Variants in PTPRD observed in about 807,000 individuals in gnomAD.
PTPRD encodes the protein protein tyrosine phosphatase receptor type D.
Under a neutral mutation model 214.5 loss-of-function variants are expected in PTPRD, and 34 were observed. The ratio of observed to expected loss-of-function variants is 0.16; its 90% CI spans 0.12 to 0.21. The LOEUF is 0.21. Ranked by LOEUF, PTPRD falls within the 10% of genes least tolerant of loss-of-function variation. PTPRD has a pLI of 1.00. For synonymous variants in PTPRD, 1,128 were observed against 845.7 expected, an observed-to-expected ratio of 1.33 and a Z score of -5.79; for missense variants, 2,545 against 2,398.7, an observed-to-expected ratio of 1.06 and a Z score of -1.27.
intron 11 of PTPRD, among the ~76,000 whole-genome samples, chr9:8,855,511 A>G (rs2097899445): frequency 6.6e-6 from 1 of 152,178 alleles, no homozygotes. Flanking sequence ...CATGTCATGC[A>G]AAAATAATAC....
chr9:10,047,500 T>C (rs553688022), intron 3 of PTPRD, among the ~76,000 whole-genome samples: 6 of 152,148 alleles, frequency 3.9e-5, no homozygotes, highest in African/African-American at 1.4e-4. Context: ...CTACAAAATG[T>C]AGCCAAGGAA....
At chr9:8,522,842 T>G (rs766696348) in intron 19 of PTPRD, among the ~76,000 whole-genome samples, 2 of 152,140 alleles carry the variant, frequency 1.3e-5, no homozygotes, top group Non-Finnish European at 2.9e-5. Flanking sequence ...TTAATAAAGA[T>G]TTTTTAAAAA....
chr9:8,705,527 T>G (rs1017277923), intron 12 of PTPRD, among the ~76,000 whole-genome samples: 9 of 152,232 alleles, frequency 5.9e-5, no homozygotes, highest in African/African-American at 1.9e-4. Context: ...TCCTGATTAC[T>G]TGGGAACATC....
At chr9:9,567,740 C>T (rs771552338) in intron 8 of PTPRD, among the ~76,000 whole-genome samples, 1 of 151,892 alleles carries the variant, frequency 6.6e-6, no homozygotes, top group Non-Finnish European at 1.5e-5. Context: ...CTCTATGCAG[C>T]CTTGAGCTTC....
At chr9:9,645,457 G>GTGTATA (rs1554767219) in intron 7 of PTPRD, among the ~76,000 whole-genome samples, 2 of 134,386 alleles carry the variant, frequency 1.5e-5, no homozygotes, top group African/African-American at 6.0e-5. Flanking sequence ...CTACATATAT[G>GTGTATA]TATATATATA....
chr9:8,485,338 A>G lies in PTPRD; in HGVS notation c.3056-14T>C. The G allele has an allele frequency of 6.3e-7, 1 of 1,584,734 alleles. No individual in the cohort carries two copies. The highest frequency in any genetic ancestry group is 8.7e-7 in the Non-Finnish European group (1 of 1,153,550). On this transcript the variant is annotated splice_polypyrimidine_tract_variant and intron_variant, in intron 28 of 45. Coordinates refer to ENST00000381196, the MANE Select transcript of PTPRD (RefSeq NM_002839.4). Reference sequence around the variant, plus strand: ...TTTTTGCAAACACTGCTGGAAAAGGAAAAACAGTGTATTTAAACTATTCTT... The same window carrying G: ...TTTTTGCAAACACTGCTGGAAAAGGGAAAACAGTGTATTTAAACTATTCTT...
intron 12 of PTPRD, among the ~76,000 whole-genome samples, chr9:8,706,491 T>G (rs1277364276): frequency 2.6e-5 from 4 of 152,216 alleles, no homozygotes; most frequent in African/African-American, 9.6e-5. Flanking sequence ...GCCATCTAAG[T>G]CTGCATGGTC....
At chr9:8,788,202 C>G (rs1384284746) in intron 11 of PTPRD, among the ~76,000 whole-genome samples, 1 of 149,416 alleles carries the variant, frequency 6.7e-6, no homozygotes, top group East Asian at 2.0e-4. Flanking sequence ...TATGAGTAAC[C>G]ATGGCCATAA....
Position 9,448,442 on chromosome 9 carries a change from G to A in PTPRD, c.-236-50960C>T, listed in dbSNP as rs969585800. Among the ~76,000 whole-genome samples, 8 of 152,110 alleles carry A rather than the reference G, an allele frequency of 5.3e-5. No homozygotes were observed. In the East Asian group the frequency reaches 1.6e-3, roughly 30 times the overall value. On this transcript the variant is annotated intron_variant, in intron 8 of 45. Coordinates refer to ENST00000381196, the MANE Select transcript of PTPRD (RefSeq NM_002839.4). ...CTAAGTGTTTGCAAGTTCTTCCTTT[G>A]CAGTTCATTCTCTCTCTCTCCTGCT...
At chr9:8,509,633 T>C (rs2097633279) in intron 21 of PTPRD, among the ~76,000 whole-genome samples, 1 of 152,236 alleles carries the variant, frequency 6.6e-6, no homozygotes, top group South Asian at 2.1e-4. Context: ...GAAAACATCT[T>C]GGAAACCTAA....
chr9:9,690,663 G>A (rs1400535976), intron 7 of PTPRD, among the ~76,000 whole-genome samples: 1 of 151,766 alleles, frequency 6.6e-6, no homozygotes, highest in East Asian at 1.9e-4. Context: ...AGAGATAGGG[G>A]TCTAGGATTT....
At chr9:10,457,635 A>G (rs1382064410) in intron 2 of PTPRD, among the ~76,000 whole-genome samples, 1 of 152,012 alleles carries the variant, frequency 6.6e-6, no homozygotes, top group Non-Finnish European at 1.5e-5. Flanking sequence ...GAGACAGTGT[A>G]TGTTTACTTG....
At chr9:8,351,132 A>C (rs1357491634) in intron 39 of PTPRD, among the ~76,000 whole-genome samples, 2 of 152,194 alleles carry the variant, frequency 1.3e-5, no homozygotes, top group Admixed American at 6.5e-5. Context: ...GTAGCAGTTA[A>C]AAAGAATGAA....
chr9:8,371,803 G>A (rs543509841), intron 39 of PTPRD, among the ~76,000 whole-genome samples: 5 of 152,174 alleles, frequency 3.3e-5, no homozygotes, highest in Middle Eastern at 3.4e-3. Context: ...AGGTAGAGAA[G>A]GGGAATTGTT....
rs779666985 is a variant in PTPRD, at chr9:8,493,010, C to A, written c.2350-31G>T. On this transcript the variant is annotated intron_variant, in intron 26 of 45. Transcript: ENST00000381196. The stretch of plus-strand genomic sequence containing the variant: ...ATGACAAAATAGAATGTCACTGATT[C>A]AAAACATGCTACTAATGCTCTGGGG... 1.6e-5 allele frequency: 25 copies of A among 1,550,944 alleles called. No individual in the cohort carries two copies. The Admixed American group carries it at 4.0e-4, about 25-fold the overall frequency.
At chr9:9,825,296 T>C (rs2052351241) in intron 5 of PTPRD, among the ~76,000 whole-genome samples, 1 of 150,850 alleles carries the variant, frequency 6.6e-6, no homozygotes. Context: ...TAAATATACA[T>C]TGGCAGGTAG....
At chr9:10,292,055 G>T (rs768845835) in intron 3 of PTPRD, among the ~76,000 whole-genome samples, 21 of 151,922 alleles carry the variant, frequency 1.4e-4, no homozygotes, top group Admixed American at 6.6e-4. Context: ...AGTAATTTTG[G>T]TCCCTATATT....
intron 3 of PTPRD, among the ~76,000 whole-genome samples, chr9:10,142,602 A>C (rs967415607): frequency 6.7e-6 from 1 of 150,240 alleles, no homozygotes; most frequent in Admixed American, 6.7e-5. Flanking sequence ...TTAGAATGGC[A>C]ATCATTAAAA....
At chr9:10,445,854 T>TA (rs372838456) in intron 2 of PTPRD, among the ~76,000 whole-genome samples, 11 of 151,986 alleles carry the variant, frequency 7.2e-5, no homozygotes, top group Non-Finnish European at 1.5e-4. Context: ...AGTTTAGTGC[T>TA]AAAAAAAACT....
Sources: gnomAD v4.1 joint callset for allele counts (sites outside exome capture counted in the v4.1 genomes callset) on GRCh38, gnomAD v4.1.1 for gene constraint, MANE v1.5 for transcripts, NCBI Gene and HGNC (gene_info 2026-07-23, HGNC 2026-07-21) for gene names.